The following RAPGEF2 variants were observed in gnomAD, a reference collection of about 807,000 sequenced individuals.
The protein encoded by RAPGEF2 is Rap guanine nucleotide exchange factor 2.
A neutral mutation model predicts 186.7 loss-of-function variants in RAPGEF2; 54 were observed. That is an observed-to-expected ratio of 0.29 (90% CI 0.23 to 0.36). RAPGEF2 has a LOEUF of 0.36. RAPGEF2 is among the 10% of genes least tolerant of loss of function. RAPGEF2 has a pLI of 1.00. For synonymous variants in RAPGEF2, 712 were observed against 705.9 expected (o/e 1.01, Z -0.14); for missense variants, 1,532 against 2,045.0 (o/e 0.75, Z 4.84).
chr4:159,126,862 C>T (rs1740367879), intron 1 of RAPGEF2, among the ~76,000 whole-genome samples: 1 of 152,164 alleles, frequency 6.6e-6, no homozygotes, highest in African/African-American at 2.4e-5. Context: ...TCAAGTAGAA[C>T]CCCATTCATG....
chr4:159,251,505 A>G (rs188278424), intron 7 of RAPGEF2, among the ~76,000 whole-genome samples: 17 of 152,298 alleles, frequency 1.1e-4, no homozygotes, highest in Non-Finnish European at 2.1e-4. Context: ...CTCTGTATCC[A>G]GCTAATCTGG....
intron 20 of RAPGEF2, among the ~76,000 whole-genome samples, chr4:159,342,551 ATATTATT>A (rs1561316651): frequency 3.7e-4 from 38 of 103,054 alleles, no homozygotes; most frequent in Non-Finnish European, 6.8e-4. Flanking sequence ...ATTTTATTTT[ATATTATT>A]TTATTTTATT....
chr4:159,341,957 C>A lies in RAPGEF2; in HGVS notation c.2918+10C>A. 1 of 1,559,706 alleles carries A rather than the reference C, an allele frequency of 6.4e-7. No individual in the cohort carries two copies. The highest frequency in any genetic ancestry group is 8.6e-7 in the Non-Finnish European group (1 of 1,157,736). ...TGTTTGCAATCATCAGGTAAGAGAG[C>A]ACATTTTTTCTTAAGATTCAGTTCA... On this transcript the variant is annotated intron_variant, in intron 20 of 29. Transcript: ENST00000691494.
chr4:159,354,096 T>C (rs775405290), intron 28 of RAPGEF2, 50 bp downstream of exon 28: 25 of 1,466,792 alleles, frequency 1.7e-5, no homozygotes, highest in Non-Finnish European at 2.3e-5. Context: ...ATGTCTTTAA[T>C]GTAACTTATT....
intron 7 of RAPGEF2, among the ~76,000 whole-genome samples, chr4:159,275,750 A>G (rs1213332486): frequency 6.6e-5 from 10 of 152,118 alleles, no homozygotes; most frequent in Non-Finnish European, 1.5e-4. Flanking sequence ...AAATTTACTA[A>G]AAGTGGCAGA....
Position 159,216,514 on chromosome 4 carries a change from C to T in RAPGEF2, c.281+5931C>T, listed in dbSNP as rs200890981. Among the ~76,000 whole-genome samples, 14 of 150,938 alleles carry T rather than the reference C, an allele frequency of 9.3e-5. No homozygotes were observed. The East Asian group carries it at 1.7e-3, about 19-fold the overall frequency. ...GTGATGGCACAGAGATAGGATTCAG[C>T]GAGGACAATTCAAACATAACCAACA... On this transcript the variant is annotated intron_variant, in intron 4 of 29. Coordinates refer to ENST00000691494, the MANE Select transcript of RAPGEF2 (RefSeq NM_001394067.2).
At chr4:159,127,236 A>G (rs1012301469) in intron 1 of RAPGEF2, among the ~76,000 whole-genome samples, 1 of 152,208 alleles carries the variant, frequency 6.6e-6, no homozygotes, top group African/African-American at 2.4e-5. Flanking sequence ...CACATTGGCC[A>G]GGCTGGTTTT....
intron 17 of RAPGEF2, among the ~76,000 whole-genome samples, chr4:159,338,030 G>A (rs1767712615): frequency 1.3e-5 from 2 of 152,014 alleles, no homozygotes; most frequent in Non-Finnish European, 2.9e-5. Context: ...CACAGCAGGA[G>A]GATCACTTGA....
intron 7 of RAPGEF2, among the ~76,000 whole-genome samples, chr4:159,253,240 A>G (rs1755683304): frequency 6.6e-6 from 1 of 152,226 alleles, no homozygotes. Flanking sequence ...ATCAGTTGCA[A>G]TGAGGAATTT....
chr4:159,158,830 C>A (rs1300286082), intron 1 of RAPGEF2, among the ~76,000 whole-genome samples: 4 of 152,202 alleles, frequency 2.6e-5, no homozygotes, highest in African/African-American at 9.7e-5. Context: ...CAGAAATTAT[C>A]ATTGACAACC....
intron 1 of RAPGEF2, among the ~76,000 whole-genome samples, chr4:159,170,081 C>G (rs1425098599): frequency 1.4e-5 from 2 of 146,126 alleles, no homozygotes; most frequent in East Asian, 4.0e-4. Flanking sequence ...ATGCTCATCT[C>G]TTTTTTTTTT....
rs910264348 is a variant in RAPGEF2 at position 159,359,070 on chromosome 4, T to C, written c.*931T>C. 2.6e-5 allele frequency: 4 copies of C among 152,234 alleles called. No individual in the cohort carries two copies. The highest frequency in any genetic ancestry group is 9.6e-5 in the African/African-American group (4 of 41,452). The allele number at this position is 152,234 out of a possible 1,614,324, so 9.4% of individuals were successfully genotyped here. A position where few individuals can be genotyped will look rare whatever the true frequency, so the allele number is the denominator to read the frequency against. On this transcript the variant is annotated 3_prime_UTR_variant, in exon 30 of 30. Coordinates refer to ENST00000691494, the MANE Select transcript of RAPGEF2 (RefSeq NM_001394067.2). ...TCATTGGCGGATGTGTCCTGCTCCA[T>C]TGAGATGGATGGCAAACCCCATTTT... is the stretch of plus-strand genomic sequence containing the variant.
At chr4:159,221,399 T>TA (rs1452031471) in intron 4 of RAPGEF2, among the ~76,000 whole-genome samples, 2 of 152,302 alleles carry the variant, frequency 1.3e-5, no homozygotes, top group African/African-American at 4.8e-5. Context: ...AGAGCAAAGT[T>TA]ACCTTTTCCA....
chr4:159,240,106 G>A (rs1753781975), intron 5 of RAPGEF2, among the ~76,000 whole-genome samples: 1 of 152,142 alleles, frequency 6.6e-6, no homozygotes, highest in African/African-American at 2.4e-5. Context: ...GATAGTCTTA[G>A]ATATTTCCTT....
intron 17 of RAPGEF2, chr4:159,332,968 TTTTA>T (rs565986655): frequency 1.2e-4 from 24 of 192,282 alleles, no homozygotes; most frequent in East Asian, 3.4e-4. Context: ...ATTTTTTAAT[TTTTA>T]TTTATTTATT....
At chr4:159,251,847 T>G (rs544749557) in intron 7 of RAPGEF2, among the ~76,000 whole-genome samples, 118 of 151,794 alleles carry the variant, frequency 7.8e-4, no homozygotes, top group Middle Eastern at 3.4e-3. Context: ...GGCTGCCCAG[T>G]TTGCCGCCGC....
intron 5 of RAPGEF2, among the ~76,000 whole-genome samples, chr4:159,239,510 C>A (rs1405590433): frequency 6.6e-6 from 1 of 152,110 alleles, no homozygotes; most frequent in Non-Finnish European, 1.5e-5. Context: ...GACATCTTTT[C>A]CCTCTTTTTA....
intron 3 of RAPGEF2, among the ~76,000 whole-genome samples, chr4:159,194,723 A>G (rs898985259): frequency 2.0e-5 from 3 of 152,116 alleles, no homozygotes; most frequent in Non-Finnish European, 2.9e-5. Flanking sequence ...CAAAATCTAA[A>G]GTTTATTCAT....
At chr4:159,124,130 C>T (rs992044561) in intron 1 of RAPGEF2, among the ~76,000 whole-genome samples, 2 of 151,956 alleles carry the variant, frequency 1.3e-5, no homozygotes, top group African/African-American at 2.4e-5. Flanking sequence ...GCTGGGATTA[C>T]GGGCGTGAGC....
Sources: allele counts gnomAD v4.1 joint callset (sites outside exome capture counted in the v4.1 genomes callset), GRCh38; gene constraint gnomAD v4.1.1; transcripts MANE v1.5; gene names NCBI Gene and HGNC (gene_info 2026-07-23, HGNC 2026-07-21).